The following PPRC1 variants were observed in gnomAD, a reference collection of about 807,000 sequenced individuals.
The protein encoded by PPRC1 is peroxisome proliferator-activated receptor gamma coactivator-related protein 1.
PPRC1 carries 23 observed loss-of-function variants against 132.5 expected under a neutral mutation model. That is an observed-to-expected ratio of 0.17 (90% CI 0.12 to 0.25). The LOEUF is 0.25. Ranked by LOEUF, PPRC1 falls within the 10% of genes least tolerant of loss-of-function variation. PPRC1 has a pLI of 1.00. For missense variants in PPRC1, 2,006 were observed against 2,089.1 expected, an observed-to-expected ratio of 0.96 and a Z score of 0.78; for synonymous variants, 872 against 833.5, an observed-to-expected ratio of 1.05 and a Z score of -0.80.
the PPRC1 span, among the ~76,000 whole-genome samples, chr10:102,122,554 A>G: frequency 6.6e-6 from 1 of 150,918 alleles, no homozygotes; most frequent in Non-Finnish European, 1.5e-5. Flanking sequence ...AGGAGGGGGA[A>G]TACCTACCTT....
chr10:102,140,974 A>G lies in PPRC1; in HGVS notation c.2466A>G (p.Val822=). 3 of 1,614,016 alleles carry G rather than the reference A, an allele frequency of 1.9e-6. No individual in the cohort carries two copies. The highest frequency in any genetic ancestry group is 8.5e-7 in the Non-Finnish European group (1 of 1,179,998). Residue 822 remains valine, a synonymous_variant, in exon 5 of 14, where the codon GTA becomes GTG. Coordinates refer to ENST00000278070, the MANE Select transcript of PPRC1 (RefSeq NM_015062.5). The part of the protein sequence containing the change: ...ETPLEICLVP[V]GPSPASPSPE... ...CCCTTGAGATTTGCCTTGTGCCTGTAGGTCCCAGCCCTGCTTCTCCTAGTC... is the reference window on the plus strand; with the variant it reads ...CCCTTGAGATTTGCCTTGTGCCTGTGGGTCCCAGCCCTGCTTCTCCTAGTC...
At chr10:102,142,090 T>G (rs1242434203) in intron 5 of PPRC1, 86 bp downstream of exon 5, 2 of 1,441,384 alleles carry the variant, frequency 1.4e-6, no homozygotes, top group Non-Finnish European at 1.9e-6. Context: ...GAGGCTGGCC[T>G]TTGTTGGATT....
chr10:102,124,980 G>A, the PPRC1 span, among the ~76,000 whole-genome samples: 1 of 151,842 alleles, frequency 6.6e-6, no homozygotes, highest in African/African-American at 2.4e-5. Context: ...TTATAGTCTT[G>A]CTGTGTTGCC....
Position 102,148,957 on chromosome 10 carries a change from C to A in PPRC1, c.4739+19C>A. 6.2e-7 allele frequency: 1 copy of A among 1,612,316 alleles called. No individual in the cohort carries two copies. The highest frequency in any genetic ancestry group is 8.5e-7 in the Non-Finnish European group (1 of 1,179,346). Reference sequence around the variant, plus strand: ...TCCAAGGGTAAGCTTGGGCCCCAGGCTCAGGATGTTCTTTCTATCCCATTC... The same window carrying A: ...TCCAAGGGTAAGCTTGGGCCCCAGGATCAGGATGTTCTTTCTATCCCATTC... On this transcript the variant is annotated intron_variant, in intron 12 of 13. Coordinates refer to ENST00000278070, the MANE Select transcript of PPRC1 (RefSeq NM_015062.5). The surrounding 1 kb of genome is among the most constrained non-coding windows in gnomAD (Gnocchi z 4.2).
intron 1 of PPRC1, among the ~76,000 whole-genome samples, chr10:102,136,969 A>G (rs994148159): frequency 6.6e-6 from 1 of 152,192 alleles, no homozygotes; most frequent in Non-Finnish European, 1.5e-5. Flanking sequence ...ACTTGCTCTC[A>G]TCTGGTAGGA....
the PPRC1 span, among the ~76,000 whole-genome samples, chr10:102,124,381 G>A: frequency 6.6e-6 from 1 of 150,532 alleles, no homozygotes; most frequent in African/African-American, 2.4e-5. Context: ...TTTCTTTCTT[G>A]TTGAGACAGT....
rs2069009445 is a variant in PPRC1 at position 102,142,083 on chromosome 10, G to A, written c.3496+79G>A. On this transcript the variant is annotated intron_variant, in intron 5 of 13. Coordinates refer to ENST00000278070, the MANE Select transcript of PPRC1 (RefSeq NM_015062.5). Reference sequence around the variant, plus strand: ...GAATAGGATAAGCCACCCTGATGAGGCTGGCCTTTGTTGGATTTCTTTGGA... The same window carrying A: ...GAATAGGATAAGCCACCCTGATGAGACTGGCCTTTGTTGGATTTCTTTGGA... 9 of 1,466,524 alleles carry A rather than the reference G, an allele frequency of 6.1e-6. No individual in the cohort carries two copies. In the South Asian group the frequency reaches 1.1e-4, roughly 18 times the overall value. The allele number at this position is 1,466,524 out of a possible 1,614,324, so 90.8% of individuals were successfully genotyped here.
At chr10:102,131,602 C>T (rs942355850), upstream of PPRC1, among the ~76,000 whole-genome samples, 4 of 152,188 alleles carry the variant, frequency 2.6e-5, no homozygotes, top group African/African-American at 9.7e-5. Flanking sequence ...ATGTACATGA[C>T]ATATGCAAGG....
Position 102,140,740 on chromosome 10 carries a change from T to A in PPRC1, c.2232T>A (p.His744Gln), listed in dbSNP as rs2068932109. 1 of 1,613,884 alleles carries A rather than the reference T, an allele frequency of 6.2e-7. No individual in the cohort carries two copies. Among genetic ancestry groups the A allele is most frequent in the Non-Finnish European group, 8.5e-7 (1 of 1,180,028 alleles). ...AAAGTGGTACCAGTGCTACAACCCA[T>A]GAAGCCAGACCTCGGCCTCTCAGCT... ...KIESGTSATTHEARPRPLSLS... is the reference protein window; with the variant it reads ...KIESGTSATTQEARPRPLSLS... The change falls in exon 5 of 14, where the codon CAT becomes CAA. Residue 744 changes from histidine (H) to glutamine (Q), a missense_variant. His to Gln is a conservative substitution (Grantham distance 24). Transcript: ENST00000278070.
chr10:102,133,170 T>A lies in PPRC1; in HGVS notation c.102T>A (p.Ser34Arg). 7.9e-7 allele frequency: 1 copy of A among 1,271,102 alleles called. No homozygotes were observed. 78.7% of individuals were successfully genotyped at this position (1,271,102 alleles called of 1,614,324 possible). A position where few individuals can be genotyped will look rare whatever the true frequency, so the allele number is the denominator to read the frequency against. ...GGGARGSGWG[S>R]RSQAPYGTLG... is the part of the protein sequence containing the mutation. ...GAGCCCGCGGCAGTGGTTGGGGAAG[T>A]CGAAGCCAAGCGCCGTATGGGACTT... The change falls in exon 1 of 14, where the codon AGT becomes AGA. Residue 34 changes from serine (S) to arginine (R), a missense_variant. This residue lies in a region of PPRC1 where 1,914 missense variants were observed against 1,917.2 expected (regional missense o/e 1.00). Coordinates refer to ENST00000278070, the MANE Select transcript of PPRC1 (RefSeq NM_015062.5).
Position 102,150,096 on chromosome 10 carries a change from CT to C in PPRC1, c.*68del. 8.2e-7 allele frequency: 1 copy of C among 1,216,644 alleles called. No homozygotes were observed. The allele number at this position is 1,216,644 out of a possible 1,614,324, so 75.4% of individuals were successfully genotyped here. A position where few individuals can be genotyped will look rare whatever the true frequency, so the allele number is the denominator to read the frequency against. ...GCCCAACCTCCTCCACCCCCTTCCC[CT>C]ACTCTAGGGGAGAGAGCTGCTAGTG... is the stretch of plus-strand genomic sequence containing the variant. On this transcript the variant is annotated 3_prime_UTR_variant, in exon 14 of 14. Transcript: ENST00000278070.
chr10:102,126,153 C>T, the PPRC1 span, among the ~76,000 whole-genome samples: 2 of 152,038 alleles, frequency 1.3e-5, no homozygotes, highest in South Asian at 2.1e-4. Flanking sequence ...TGAGCCACCG[C>T]GCCCGGCTTG....
the PPRC1 span, among the ~76,000 whole-genome samples, chr10:102,122,744 G>A: frequency 3.9e-5 from 6 of 152,236 alleles, no homozygotes; most frequent in Admixed American, 2.6e-4. Flanking sequence ...TTTGCCTCCT[G>A]TGAATCTGAG....
chr10:102,146,076 T>C (rs1434480100), intron 8 of PPRC1, among the ~76,000 whole-genome samples: 2 of 152,106 alleles, frequency 1.3e-5, no homozygotes, highest in African/African-American at 4.8e-5. Flanking sequence ...TTTTGGGGAA[T>C]TGTGAGAGGC....
chr10:102,126,157 C>T, the PPRC1 span, among the ~76,000 whole-genome samples: 3 of 152,126 alleles, frequency 2.0e-5, no homozygotes, highest in East Asian at 1.9e-4. Flanking sequence ...CCACCGCGCC[C>T]GGCTTGGCAT....
At position 102,139,789 on chromosome 10, in the gene PPRC1, A is replaced by G; in HGVS notation, c.1281A>G (p.Leu427=). The G allele has an allele frequency of 1.2e-6, 2 of 1,614,208 alleles. No homozygotes were observed. The highest frequency in any genetic ancestry group is 8.5e-7 in the Non-Finnish European group (1 of 1,180,036). The change falls in exon 5 of 14, where the codon TTA becomes TTG. Residue 427 remains leucine (L), a synonymous_variant. Coordinates refer to ENST00000278070, the MANE Select transcript of PPRC1 (RefSeq NM_015062.5). ...AGGAGAAGCTGGACTCAGCCTGCTT[A>G]TTGAAGCCCAGGGAGGTCGTGGAGC... is the stretch of plus-strand genomic sequence containing the variant. The part of the protein sequence containing the change: ...NSEEKLDSAC[L]LKPREVVEPV...
In PPRC1 at chr10:102,139,114, T is replaced by A; in HGVS notation, c.606T>A (p.Leu202=). The change falls in exon 5 of 14, where the codon CTT becomes CTA. Residue 202 remains leucine (L), a synonymous_variant. Coordinates refer to ENST00000278070, the MANE Select transcript of PPRC1 (RefSeq NM_015062.5). The part of the protein sequence containing the change: ...SSRGSGVEMS[L]PDPSWDFSPP... ...CTCTCCTGCAGGTTGAAATGTCTCT[T>A]CCAGATCCCTCTTGGGACTTCTCCC... is the stretch of plus-strand genomic sequence containing the variant. 1 of 1,608,522 alleles carries A rather than the reference T, an allele frequency of 6.2e-7. No homozygotes were observed. Among genetic ancestry groups the A allele is most frequent in the Non-Finnish European group, 8.5e-7 (1 of 1,176,856 alleles).
intron 13 of PPRC1, 126 bp from the exon 14 acceptor site, chr10:102,149,800 C>A (rs1590366935): frequency 2.7e-6 from 2 of 743,102 alleles, no homozygotes; most frequent in East Asian, 2.6e-5. Flanking sequence ...TCTCCTATCT[C>A]TTTGACTTAA....
Position 102,140,279 on chromosome 10 carries a change from G to A in PPRC1, c.1771G>A (p.Glu591Lys). The part of the protein sequence containing the change: ...QASPMPVDSV[E>K]ADPTAVGPVL... ...CAGCCCCATGCCAGTTGACTCTGTT[G>A]AAGCTGATCCCACTGCAGTTGGCCC... Residue 591 changes from glutamate to lysine, a missense_variant, in exon 5 of 14, where the codon GAA (glutamate) becomes AAA (lysine). Glu to Lys is a moderately conservative substitution (Grantham distance 56, BLOSUM62 1). This residue lies in a region of PPRC1 where 1,914 missense variants were observed against 1,917.2 expected (regional missense o/e 1.00). Coordinates refer to ENST00000278070, the MANE Select transcript of PPRC1 (RefSeq NM_015062.5). The A allele has an allele frequency of 1.2e-6, 2 of 1,614,212 alleles. No homozygotes were observed. Among genetic ancestry groups the A allele is most frequent in the Non-Finnish European group, 8.5e-7 (1 of 1,180,038 alleles).
Sources: gnomAD v4.1 joint callset for allele counts (sites outside exome capture counted in the v4.1 genomes callset) on GRCh38, gnomAD v4.1.1 for gene constraint, gnomAD v4.1.1 regional missense constraint, Gnocchi (gnomAD v3.1) non-coding constraint, MANE v1.5 for transcripts, NCBI Gene and HGNC (gene_info 2026-07-23, HGNC 2026-07-21) for gene names.